TMEM68: variants seen among roughly 807,000 people sequenced by gnomAD.
The protein encoded by TMEM68 is transmembrane protein 68.
A neutral mutation model predicts 36.9 loss-of-function variants in TMEM68; 25 were observed. The observed-to-expected ratio is 0.68, with a 90% CI of 0.49 to 0.95. TMEM68 has a LOEUF of 0.95. Among genes scored for constraint, TMEM68 ranks in the 40% least tolerant of loss-of-function variants. The probability of loss-of-function intolerance (pLI) is 0.00; values close to 1 mark genes in which losing one functional copy is unlikely to be tolerated. For synonymous variants in TMEM68, 131 were observed against 124.4 expected (o/e 1.05, Z -0.35); for missense variants, 333 against 392.0 (o/e 0.85, Z 1.27).
At chr8:55,751,202 T>C in intron 4 of TMEM68, 45 bp from the exon 5 acceptor site, 2 of 1,510,234 alleles carry the variant, frequency 1.3e-6, no homozygotes, top group Admixed American at 2.3e-5. Flanking sequence ...GTATTTCTTG[T>C]TTAATTCTTC....
In TMEM68 at chr8:55,739,211, C is replaced by G. The variant is rs1211561993; in HGVS notation, c.*921G>C. ...TGGCTGTAGAGTCAAACTGGGTAAGCCTCAATATTGAGCAAAAGTAGAGAA... is the reference window on the plus strand; with the variant it reads ...TGGCTGTAGAGTCAAACTGGGTAAGGCTCAATATTGAGCAAAAGTAGAGAA... On this transcript the variant is annotated 3_prime_UTR_variant, in exon 8 of 8. Transcript: ENST00000434581. The G allele has an allele frequency of 6.6e-6, 1 of 152,570 alleles. No individual in the cohort carries two copies. Among genetic ancestry groups the G allele is most frequent in the Non-Finnish European group, 1.5e-5 (1 of 68,034 alleles). 9.5% of individuals were successfully genotyped at this position (152,570 alleles called of 1,614,324 possible).
chr8:55,755,479 C>T (rs1351116772), intron 4 of TMEM68, among the ~76,000 whole-genome samples: 1 of 151,918 alleles, frequency 6.6e-6, no homozygotes, highest in African/African-American at 2.4e-5. Context: ...ACCATGTTGG[C>T]CAGGCTGGTT....
chr8:55,746,844 G>A (rs1364457044), intron 5 of TMEM68: 1 of 152,170 alleles, frequency 6.6e-6, no homozygotes, highest in Non-Finnish European at 1.5e-5. Context: ...TATACTGCAA[G>A]GACATTGTTT....
intron 1 of TMEM68, among the ~76,000 whole-genome samples, chr8:55,764,798 C>T (rs1052408896): frequency 3.9e-5 from 6 of 152,160 alleles, no homozygotes; most frequent in Non-Finnish European, 2.9e-5. Flanking sequence ...ACCAGCTGGG[C>T]GCAGTGGCTC....
Position 55,751,121 on chromosome 8 carries a change from T to C in TMEM68, c.530A>G (p.His177Arg). ...TTCAACACATTTTTCTCTTGGTCCA[T>C]GTAGAGCACAAAACACATCCAGTAA... is the stretch of plus-strand genomic sequence containing the variant. ...SLLLDVFCAL[H>R]GPREKCVEIL... Residue 177 changes from histidine (H) to arginine (R), a missense_variant, in exon 5 of 8, where the codon CAT (histidine) becomes CGT (arginine). Coordinates refer to ENST00000434581, the MANE Select transcript of TMEM68 (RefSeq NM_001286657.2). 1 of 1,612,866 alleles carries C rather than the reference T, an allele frequency of 6.2e-7. No individual in the cohort carries two copies. Among genetic ancestry groups the C allele is most frequent in the East Asian group, 2.2e-5 (1 of 44,868 alleles).
At chr8:55,767,289 C>T (rs1368737895) in intron 1 of TMEM68, among the ~76,000 whole-genome samples, 1 of 152,104 alleles carries the variant, frequency 6.6e-6, no homozygotes, top group Non-Finnish European at 1.5e-5. Context: ...TTAACTATTG[C>T]TTATAAGCAT....
At chr8:55,756,970 C>A (rs1345317553) in intron 3 of TMEM68, among the ~76,000 whole-genome samples, 1 of 48,178 alleles carries the variant, frequency 2.1e-5, no homozygotes, top group Non-Finnish European at 4.7e-5. Flanking sequence ...ACAGGGCATC[C>A]ATGAGTTGTA....
At chr8:55,749,649 T>A (rs1400120291) in intron 5 of TMEM68, among the ~76,000 whole-genome samples, 2 of 152,078 alleles carry the variant, frequency 1.3e-5, no homozygotes, top group Non-Finnish European at 2.9e-5. Context: ...ATCCCTTCCA[T>A]CCCTCCATCT....
chr8:55,741,937 T>G (rs1159435932), intron 7 of TMEM68, among the ~76,000 whole-genome samples: 2 of 152,156 alleles, frequency 1.3e-5, no homozygotes, highest in African/African-American at 4.8e-5. Flanking sequence ...ATGCCTGTAA[T>G]TCCAGCTATT....
intron 4 of TMEM68, among the ~76,000 whole-genome samples, chr8:55,755,431 T>C (rs1487740835): frequency 6.6e-6 from 1 of 151,934 alleles, no homozygotes; most frequent in Non-Finnish European, 1.5e-5. Context: ...GCCACCATAC[T>C]GGACTACTTT....
At position 55,755,251 on chromosome 8, in the gene TMEM68, A is replaced by G. The variant is rs147961404; in HGVS notation, c.493+993T>C. Reference sequence around the variant, plus strand: ...GTACTTTTTAGGGTAGTATAATATTACATGAAGACAAAATATATCTTTTTT... The same window carrying G: ...GTACTTTTTAGGGTAGTATAATATTGCATGAAGACAAAATATATCTTTTTT... On this transcript the variant is annotated intron_variant, in intron 4 of 7. Coordinates refer to ENST00000434581, the MANE Select transcript of TMEM68 (RefSeq NM_001286657.2). Among the ~76,000 whole-genome samples the G allele has an allele frequency of 2.6e-4, 39 of 151,964 alleles. No individual in the cohort carries two copies. In the East Asian group the frequency reaches 6.9e-3, roughly 27 times the overall value.
intron 3 of TMEM68, among the ~76,000 whole-genome samples, chr8:55,757,476 T>C (rs1033722669): frequency 6.6e-6 from 1 of 152,160 alleles, no homozygotes; most frequent in Non-Finnish European, 1.5e-5. Context: ...GGGGTGAAGC[T>C]GGAGAGTAAA....
chr8:55,756,136 G>T, intron 4 of TMEM68, 108 bp downstream of exon 4: 1 of 908,702 alleles, frequency 1.1e-6, no homozygotes, highest in Non-Finnish European at 1.6e-6. Context: ...ACCCTAAAAG[G>T]CAAAAAGCTT....
chr8:55,771,085 CG>C (rs1181997440), intron 1 of TMEM68, among the ~76,000 whole-genome samples: 1 of 150,402 alleles, frequency 6.6e-6, no homozygotes, highest in Non-Finnish European at 1.5e-5. Flanking sequence ...ACCCAGGAGG[CG>C]GAAGTTGCGG....
At position 55,762,758 on chromosome 8, in the gene TMEM68, T is replaced by C. The variant is rs757168405; in HGVS notation, c.202A>G (p.Ile68Val). The change falls in exon 3 of 8, where the codon ATT becomes GTT. Residue 68 changes from isoleucine to valine, a missense_variant. Coordinates refer to ENST00000434581, the MANE Select transcript of TMEM68 (RefSeq NM_001286657.2). ...CTCTTATAAATGTGTAAGAAAATAA[T>C]AGTAAGGTAGAGAAGAAAGATAGTA... ...YFTIFLLYLT[I>V]IFLHIYKRKN... The C allele has an allele frequency of 3.7e-6, 6 of 1,613,570 alleles. No individual in the cohort carries two copies. Among genetic ancestry groups the C allele is most frequent in the Non-Finnish European group, 4.2e-6 (5 of 1,179,630 alleles).
intron 3 of TMEM68, among the ~76,000 whole-genome samples, chr8:55,760,184 T>C (rs932312910): frequency 9.9e-5 from 15 of 152,236 alleles, no homozygotes; most frequent in African/African-American, 3.6e-4. Context: ...TAGTAGGGAA[T>C]AGAAAAGACT....
Position 55,773,368 on chromosome 8 carries a change from A to T in TMEM68, c.-214T>A. 2.5e-6 allele frequency: 1 copy of T among 407,234 alleles called. No homozygotes were observed. The highest frequency in any genetic ancestry group is 4.4e-6 in the Non-Finnish European group (1 of 227,570). The allele number at this position is 407,234 out of a possible 1,614,324, so 25.2% of individuals were successfully genotyped here. The stretch of plus-strand genomic sequence containing the variant: ...CGAAGCAACCCGTGTGAAAGAAGCC[A>T]AGCGGCGGCTGCAGCCCGGGCCGCG... On this transcript the variant is annotated 5_prime_UTR_variant, in exon 1 of 8. Coordinates refer to ENST00000434581, the MANE Select transcript of TMEM68 (RefSeq NM_001286657.2).
Position 55,743,467 on chromosome 8 carries a change from A to G in TMEM68, c.888+14T>C. ...AAAATCTGTCCTAAAACTAAAAAAG[A>G]AAAAGCAATTTACCTTTTCAGCTAA... On this transcript the variant is annotated intron_variant, in intron 7 of 7. Coordinates refer to ENST00000434581, the MANE Select transcript of TMEM68 (RefSeq NM_001286657.2). 1 of 1,513,072 alleles carries G rather than the reference A, an allele frequency of 6.6e-7. No individual in the cohort carries two copies. The highest frequency in any genetic ancestry group is 8.8e-7 in the Non-Finnish European group (1 of 1,141,050). 93.7% of individuals were successfully genotyped at this position (1,513,072 alleles called of 1,614,324 possible). A position where few individuals can be genotyped will look rare whatever the true frequency, so the allele number is the denominator to read the frequency against.
chr8:55,745,205 T>C (rs1585707048), intron 5 of TMEM68, 84 bp from the exon 6 acceptor site: 1 of 868,088 alleles, frequency 1.2e-6, no homozygotes, highest in Non-Finnish European at 1.6e-6. Flanking sequence ...GCAAACTTTT[T>C]TTTTTTAAGA....
Sources: allele counts gnomAD v4.1 joint callset (sites outside exome capture counted in the v4.1 genomes callset), GRCh38; gene constraint gnomAD v4.1.1; transcripts MANE v1.5; gene names NCBI Gene and HGNC (gene_info 2026-07-23, HGNC 2026-07-21).